Variants in CREB3L1 observed in about 807,000 individuals in gnomAD.
The protein encoded by CREB3L1 is cyclic AMP-responsive element-binding protein 3-like protein 1.
A neutral mutation model predicts 54.5 loss-of-function variants in CREB3L1; 33 were observed. The observed-to-expected ratio is 0.61, with a 90% CI of 0.46 to 0.81. The LOEUF is 0.81. Among genes scored for constraint, CREB3L1 ranks in the 30% least tolerant of loss-of-function variants. The pLI, the probability that CREB3L1 is intolerant of heterozygous loss-of-function variation, is 0.00. For missense variants in CREB3L1, 656 were observed against 673.3 expected (o/e 0.97, Z 0.29); for synonymous variants, 284 against 286.4 (o/e 0.99, Z 0.08).
chr11:46,294,012 C>A (rs963762630), intron 1 of CREB3L1, among the ~76,000 whole-genome samples: 1 of 152,162 alleles, frequency 6.6e-6, no homozygotes, highest in African/African-American at 2.4e-5. Context: ...CAAGGCTGCA[C>A]ATGGAACTGG....
chr11:46,312,412 C>T lies in CREB3L1; in HGVS notation c.841C>T (p.Leu281Phe), dbSNP rs1939499395. ...IAEGYPIPTK[L>F]PLTKAEEKAL... The stretch of plus-strand genomic sequence containing the variant: ...TGAGGGCTACCCCATCCCCACAAAA[C>T]TCCCCCTCACCAAAGCCGAGGAGAA... Residue 281 changes from leucine to phenylalanine, a missense_variant, in exon 6 of 12, where the codon CTC (leucine) becomes TTC (phenylalanine). Around this residue, in one of 3 missense-constraint regions of CREB3L1, gnomAD observed 77 missense variants for 122.0 expected, o/e 0.63. Transcript: ENST00000621158. The T allele has an allele frequency of 6.2e-7, 1 of 1,613,736 alleles. No homozygotes were observed. The highest frequency in any genetic ancestry group is 1.3e-5 in the African/African-American group (1 of 74,916).
In CREB3L1 at chr11:46,320,372, G is replaced by A; in HGVS notation, c.1367G>A (p.Gly456Glu). 1 of 1,610,862 alleles carries A rather than the reference G, an allele frequency of 6.2e-7. No individual in the cohort carries two copies. The highest frequency in any genetic ancestry group is 1.1e-5 in the South Asian group (1 of 90,584). Reference protein sequence around the residue: ...EPPDGWEINPGGPAEQRPRDH... With the variant: ...EPPDGWEINPEGPAEQRPRDH... ...CCAGATGGCTGGGAAATCAACCCCG[G>A]GGGGCCGGCAGAGCAGCGGCCCCGG... The change falls in exon 11 of 12, where the codon GGG becomes GAG. Residue 456 changes from glycine (G) to glutamate (E), a missense_variant. Around this residue, in one of 3 missense-constraint regions of CREB3L1, gnomAD observed 240 missense variants for 219.8 expected, o/e 1.09. Transcript: ENST00000621158.
chr11:46,305,668 ATATATG>A (rs1939378925), intron 2 of CREB3L1, among the ~76,000 whole-genome samples: 1 of 99,760 alleles, frequency 1.0e-5, no homozygotes, highest in Non-Finnish European at 2.0e-5. Context: ...ATGTGTGTAT[ATATATG>A]TGTGTGTGTG....
chr11:46,303,970 C>T (rs1939338173), intron 2 of CREB3L1, among the ~76,000 whole-genome samples: 1 of 152,112 alleles, frequency 6.6e-6, no homozygotes, highest in African/African-American at 2.4e-5. Context: ...GGCACCACTG[C>T]ACTCCAGCCT....
rs370027568 is a variant in CREB3L1, at chr11:46,282,286, G to C, written c.102+4073G>C. Among the ~76,000 whole-genome samples the C allele has an allele frequency of 1.5e-4, 23 of 152,222 alleles. 1 individual carries two copies. The highest frequency in any genetic ancestry group is 5.5e-4 in the African/African-American group (23 of 41,520). On this transcript the variant is annotated intron_variant, in intron 1 of 11. Coordinates refer to ENST00000621158, the MANE Select transcript of CREB3L1 (RefSeq NM_052854.4). ...TGCACTGTCTCTGGGGTCCAGGAAGGGCTCTCCATGGTTTTTAATGAGTTC... is the reference window on the plus strand; with the variant it reads ...TGCACTGTCTCTGGGGTCCAGGAAGCGCTCTCCATGGTTTTTAATGAGTTC...
chr11:46,309,795 T>C (rs1196401721), intron 3 of CREB3L1, among the ~76,000 whole-genome samples, 194 bp from the exon 4 acceptor site: 1 of 152,220 alleles, frequency 6.6e-6, no homozygotes, highest in African/African-American at 2.4e-5. Flanking sequence ...CAATCCTTTC[T>C]CTTAGGTGTG....
intron 1 of CREB3L1, among the ~76,000 whole-genome samples, chr11:46,284,232 G>T (rs1430577037): frequency 6.6e-6 from 1 of 152,158 alleles, no homozygotes; most frequent in Admixed American, 6.5e-5. Context: ...CATGGTGGGC[G>T]CCATGATGGA....
At position 46,278,438 on chromosome 11, in the gene CREB3L1, G is replaced by T. The variant is rs1326606490; in HGVS notation, c.102+225G>T. On this transcript the variant is annotated intron_variant, in intron 1 of 11. Coordinates refer to ENST00000621158, the MANE Select transcript of CREB3L1 (RefSeq NM_052854.4). The surrounding 1 kb of genome is among the most constrained non-coding windows in gnomAD (Gnocchi z 4.2). ...CTTCTAGGGGGAAGGGGCCATCGAG[G>T]TATCGGGTCCGTCCGATCCTCGGAT... is the stretch of plus-strand genomic sequence containing the variant. Among the ~76,000 whole-genome samples the T allele has an allele frequency of 6.6e-6, 1 of 152,230 alleles. No homozygotes were observed. Among genetic ancestry groups the T allele is most frequent in the African/African-American group, 2.4e-5 (1 of 41,466 alleles).
chr11:46,320,158 C>G (rs1248460604), intron 10 of CREB3L1, 106 bp from the exon 11 acceptor site: 2 of 1,269,004 alleles, frequency 1.6e-6, no homozygotes, highest in East Asian at 5.1e-5. Flanking sequence ...AGTGTCAGAG[C>G]TGGGACTCAG....
chr11:46,285,028 G>A (rs1308559060), intron 1 of CREB3L1, among the ~76,000 whole-genome samples: 1 of 152,122 alleles, frequency 6.6e-6, no homozygotes, highest in Non-Finnish European at 1.5e-5. Context: ...AGCCCTTCTG[G>A]GGACTTGGAT....
intron 2 of CREB3L1, among the ~76,000 whole-genome samples, chr11:46,303,953 C>CTATGAT (rs1443300870): frequency 6.6e-6 from 1 of 152,136 alleles, no homozygotes; most frequent in East Asian, 1.9e-4. Context: ...CTGCAGTGAG[C>CTATGAT]TATGATGGCA....
chr11:46,317,906 G>A (rs1298074484), intron 10 of CREB3L1, among the ~76,000 whole-genome samples: 2 of 152,204 alleles, frequency 1.3e-5, no homozygotes, highest in Non-Finnish European at 2.9e-5. Context: ...GGTGGTAGCT[G>A]CCTGAAACAC....
chr11:46,279,032 G>A (rs1024319268), intron 1 of CREB3L1, among the ~76,000 whole-genome samples: 3 of 152,208 alleles, frequency 2.0e-5, no homozygotes, highest in Admixed American at 6.5e-5. Context: ...CCTTGATGGG[G>A]GAGGGGCACG....
chr11:46,297,648 G>A (rs940643143), intron 1 of CREB3L1, among the ~76,000 whole-genome samples: 6 of 152,222 alleles, frequency 3.9e-5, no homozygotes, highest in Non-Finnish European at 8.8e-5. Flanking sequence ...AGCACTTTGG[G>A]TTAAAAGCAC....
chr11:46,319,920 G>A (rs1266270607), intron 10 of CREB3L1, among the ~76,000 whole-genome samples: 4 of 151,886 alleles, frequency 2.6e-5, no homozygotes, highest in African/African-American at 9.7e-5. Flanking sequence ...AGTGGTGGAG[G>A]TTAGAACACA....
At chr11:46,312,523 C>G (rs1939507137) in intron 6 of CREB3L1, 49 bp downstream of exon 6, 1 of 1,609,226 alleles carries the variant, frequency 6.2e-7, no homozygotes, top group East Asian at 2.2e-5. Context: ...GGTGGGTGGG[C>G]TCCCCTGGCA....
intron 9 of CREB3L1, 36 bp from the exon 10 acceptor site, chr11:46,317,325 A>T: frequency 2.5e-6 from 4 of 1,611,850 alleles, no homozygotes; most frequent in Non-Finnish European, 3.4e-6. Flanking sequence ...GCCCCTCCTT[A>T]CCCCAGATCT....
At position 46,295,886 on chromosome 11, in the gene CREB3L1, A is replaced by G. The variant is rs912863799; in HGVS notation, c.103-4049A>G. ...GGTCTGCAAGCAGGAGAGCTCGGGA[A>G]CCTCTCCTCCAAGGGAGGGAAGCCG... is the stretch of plus-strand genomic sequence containing the variant. On this transcript the variant is annotated intron_variant, in intron 1 of 11. Transcript: ENST00000621158. The surrounding 1 kb of genome is among the most constrained non-coding windows in gnomAD (Gnocchi z 4.6). Among the ~76,000 whole-genome samples, 3 of 152,176 alleles carry G rather than the reference A, an allele frequency of 2.0e-5. No homozygotes were observed. The highest frequency in any genetic ancestry group is 7.2e-5 in the African/African-American group (3 of 41,452).
rs1454421950 is a variant in CREB3L1, at chr11:46,277,922, C to T, written c.-190C>T. ...GCCCATCCCGCTCCTAGCCGCTGCC[C>T]TAAGGCCCCCGCGCGCCCCGCGCCC... On this transcript the variant is annotated 5_prime_UTR_variant, in exon 1 of 12. Transcript: ENST00000621158. 1.5e-5 allele frequency: 6 copies of T among 397,410 alleles called. No homozygotes were observed. The highest frequency in any genetic ancestry group is 4.2e-5 in the African/African-American group (2 of 47,892). The allele number at this position is 397,410 out of a possible 1,614,324, so 24.6% of individuals were successfully genotyped here. A position where few individuals can be genotyped will look rare whatever the true frequency, so the allele number is the denominator to read the frequency against.
Sources: gnomAD v4.1 joint callset for allele counts (sites outside exome capture counted in the v4.1 genomes callset) on GRCh38, gnomAD v4.1.1 for gene constraint, gnomAD v4.1.1 regional missense constraint, Gnocchi (gnomAD v3.1) non-coding constraint, MANE v1.5 for transcripts, NCBI Gene and HGNC (gene_info 2026-07-23, HGNC 2026-07-21) for gene names.